Variants in AADACL2 observed in about 807,000 individuals in gnomAD.
AADACL2 encodes arylacetamide deacetylase like 2.
AADACL2 carries 23 observed loss-of-function variants against 22.3 expected under a neutral mutation model. That is an observed-to-expected ratio of 1.03 (90% CI 0.74 to 1.46). AADACL2 has a LOEUF of 1.46. Among genes scored for constraint, AADACL2 ranks in the 40% most tolerant of loss-of-function variants. AADACL2 has a pLI of 0.00. For synonymous variants in AADACL2, 177 were observed against 166.2 expected (o/e 1.07, Z -0.50); for missense variants, 472 against 482.9 (o/e 0.98, Z 0.21).
Position 151,761,109 on chromosome 3 carries a change from T to TA in AADACL2, c.*3515_*3516insA, listed in dbSNP as rs1560290198. ...TATGGTGAGATATATATATATTTTT[T>TA]TATATATGGTGAGATATATATTTAT... On this transcript the variant is annotated 3_prime_UTR_variant, in exon 5 of 5. Transcript: ENST00000356517. 1 of 146,014 alleles carries TA rather than the reference T, an allele frequency of 6.8e-6. No individual in the cohort carries two copies. Among genetic ancestry groups the TA allele is most frequent in the African/African-American group, 2.5e-5 (1 of 39,360 alleles). The allele number at this position is 146,014 out of a possible 1,614,324, so 9.0% of individuals were successfully genotyped here.
chr3:151,746,905 G>GTTT (rs11373414), intron 4 of AADACL2, among the ~76,000 whole-genome samples: 23 of 145,464 alleles, frequency 1.6e-4, no homozygotes, highest in African/African-American at 4.3e-4. Context: ...TTTTTGTCAG[G>GTTT]TTTTTTTTTT....
Position 151,757,394 on chromosome 3 carries a change from C to G in AADACL2, c.1006C>G (p.Leu336Val). ...ACAGAATTTGCCACTAACCTATATT[C>G]TTACTTGTCAACATGATCTCTTAAG... Reference protein sequence around the residue: ...QLQNLPLTYILTCQHDLLRDD... With the variant: ...QLQNLPLTYIVTCQHDLLRDD... The change falls in exon 5 of 5, where the codon CTT (leucine) becomes GTT (valine). Residue 336 changes from leucine to valine, a missense_variant. By Grantham distance (32) the Leu-to-Val change is conservative. Around this residue, in one of 3 missense-constraint regions of AADACL2, gnomAD observed 113 missense variants for 100.9 expected, o/e 1.12. Transcript: ENST00000356517. The G allele has an allele frequency of 6.2e-7, 1 of 1,613,722 alleles. No individual in the cohort carries two copies. The highest frequency in any genetic ancestry group is 2.2e-5 in the East Asian group (1 of 44,850).
Position 151,733,978 on chromosome 3 carries a change from C to T in AADACL2, c.-58C>T. The T allele has an allele frequency of 6.6e-7, 1 of 1,516,866 alleles. No homozygotes were observed. The highest frequency in any genetic ancestry group is 8.9e-7 in the Non-Finnish European group (1 of 1,127,724). The allele number at this position is 1,516,866 out of a possible 1,614,324, so 94.0% of individuals were successfully genotyped here. A position where few individuals can be genotyped will look rare whatever the true frequency, so the allele number is the denominator to read the frequency against. On this transcript the variant is annotated 5_prime_UTR_variant, in exon 1 of 5. Coordinates refer to ENST00000356517, the MANE Select transcript of AADACL2 (RefSeq NM_207365.4). The stretch of plus-strand genomic sequence containing the variant: ...TACAATTGCTCTACTAGTTACTATT[C>T]AGTGTTTGTGAAAAATTTTAATCTC...
At chr3:151,751,861 A>T (rs1172450651) in intron 4 of AADACL2, among the ~76,000 whole-genome samples, 2 of 152,208 alleles carry the variant, frequency 1.3e-5, no homozygotes, top group African/African-American at 2.4e-5. Flanking sequence ...ACAAAAGTGC[A>T]CAAAAATCTA....
chr3:151,749,421 T>C (rs1713576933), intron 4 of AADACL2, among the ~76,000 whole-genome samples: 1 of 152,192 alleles, frequency 6.6e-6, no homozygotes, highest in African/African-American at 2.4e-5. Context: ...TTACTTGTAC[T>C]AACAGATTTT....
At chr3:151,739,935 A>G (rs1292228869) in intron 1 of AADACL2, among the ~76,000 whole-genome samples, 3 of 152,194 alleles carry the variant, frequency 2.0e-5, no homozygotes, top group Non-Finnish European at 4.4e-5. Flanking sequence ...AGTGGATCTT[A>G]GCTTGCTGGG....
At chr3:151,742,440 A>T (rs1713311691) in intron 2 of AADACL2, among the ~76,000 whole-genome samples, 1 of 152,234 alleles carries the variant, frequency 6.6e-6, no homozygotes, top group Non-Finnish European at 1.5e-5. Context: ...AAACAAGCAA[A>T]CAAAAATATG....
At chr3:151,736,154 T>A (rs1713078508) in intron 1 of AADACL2, among the ~76,000 whole-genome samples, 1 of 151,812 alleles carries the variant, frequency 6.6e-6, no homozygotes, top group South Asian at 2.1e-4. Flanking sequence ...GCCTACAAAA[T>A]TTATTTTTCT....
chr3:151,747,625 T>C (rs988995319), intron 4 of AADACL2, among the ~76,000 whole-genome samples: 2 of 151,622 alleles, frequency 1.3e-5, no homozygotes, highest in Non-Finnish European at 2.9e-5. Context: ...TGTTTGTGTG[T>C]GTGTGTGTGT....
rs766676585 is a variant in AADACL2 at position 151,740,696 on chromosome 3, C to T, written c.189C>T (p.Ser63=). Residue 63 remains serine (S), a synonymous_variant, in exon 2 of 5, where the codon TCC becomes TCT. Coordinates refer to ENST00000356517, the MANE Select transcript of AADACL2 (RefSeq NM_207365.4). ...TTATGAGATATGAAGAGTTTATATCCATGATATTCAGGCTGGATTATACCC... is the reference window on the plus strand; with the variant it reads ...TTATGAGATATGAAGAGTTTATATCTATGATATTCAGGCTGGATTATACCC... ...MRIMRYEEFI[S]MIFRLDYTQP... The T allele has an allele frequency of 1.2e-6, 2 of 1,613,472 alleles. No homozygotes were observed. Among genetic ancestry groups the T allele is most frequent in the Non-Finnish European group, 1.7e-6 (2 of 1,179,778 alleles).
intron 4 of AADACL2, among the ~76,000 whole-genome samples, chr3:151,755,471 G>A (rs1713863405): frequency 6.6e-6 from 1 of 152,094 alleles, no homozygotes; most frequent in Non-Finnish European, 1.5e-5. Context: ...TATAAAATGT[G>A]TAGAAAATAT....
At position 151,740,649 on chromosome 3, in the gene AADACL2, A is replaced by C. The variant is rs1295014328; in HGVS notation, c.142A>C (p.Met48Leu). 1 of 1,599,930 alleles carries C rather than the reference A, an allele frequency of 6.3e-7. No individual in the cohort carries two copies. Among genetic ancestry groups the C allele is most frequent in the Non-Finnish European group, 8.5e-7 (1 of 1,170,178 alleles). Reference protein sequence around the residue: ...AIAKTCTFTAMCFENMRIMRY... With the variant: ...AIAKTCTFTALCFENMRIMRY... ...TTTGTTTGTTTTGTTCTTACAGGCTATGTGTTTTGAAAATATGCGTATTAT... is the reference window on the plus strand; with the variant it reads ...TTTGTTTGTTTTGTTCTTACAGGCTCTGTGTTTTGAAAATATGCGTATTAT... The change falls in exon 2 of 5, where the codon ATG becomes CTG. Residue 48 changes from methionine (M) to leucine (L), a missense_variant. Met to Leu is a conservative substitution (Grantham distance 15, BLOSUM62 2). Transcript: ENST00000356517.
At chr3:151,744,198 G>A in intron 3 of AADACL2, 36 bp downstream of exon 3, 1 of 1,607,408 alleles carries the variant, frequency 6.2e-7, no homozygotes, top group Non-Finnish European at 8.5e-7. Context: ...TATGATTTTT[G>A]CCTTTACCAT....
intron 4 of AADACL2, among the ~76,000 whole-genome samples, chr3:151,746,356 G>GT (rs1161661355): frequency 1.2e-3 from 121 of 98,754 alleles, no homozygotes; most frequent in Admixed American, 5.1e-3. Context: ...AGTGTTCTGT[G>GT]TTTTTTTTGT....
intron 1 of AADACL2, among the ~76,000 whole-genome samples, chr3:151,737,111 C>T (rs1261677158): frequency 1.3e-5 from 2 of 152,144 alleles, no homozygotes; most frequent in Non-Finnish European, 2.9e-5. Context: ...GTATAAATTT[C>T]CCTCTTAACA....
At chr3:151,736,559 G>A (rs1053092763) in intron 1 of AADACL2, among the ~76,000 whole-genome samples, 1 of 152,164 alleles carries the variant, frequency 6.6e-6, no homozygotes, top group African/African-American at 2.4e-5. Context: ...CCATTTATGA[G>A]TGAGAACATG....
At position 151,734,087 on chromosome 3, in the gene AADACL2, C is replaced by T. The variant is rs752623427; in HGVS notation, c.52C>T (p.His18Tyr). 1 of 1,613,486 alleles carries T rather than the reference C, an allele frequency of 6.2e-7. No homozygotes were observed. The highest frequency in any genetic ancestry group is 1.7e-5 in the Admixed American group (1 of 59,878). ...LGLLCVLFVS[H>Y]FYTPMPDNIE... ...GCTGCTTTGTGTTCTTTTTGTCTCT[C>T]ATTTTTACACACCCATGCCAGACAA... is the stretch of plus-strand genomic sequence containing the variant. Residue 18 changes from histidine to tyrosine, a missense_variant, in exon 1 of 5, where the codon CAT (histidine) becomes TAT (tyrosine). By Grantham distance (83) the His-to-Tyr change is moderately conservative (BLOSUM62 2). Transcript: ENST00000356517.
chr3:151,737,469 C>T (rs914770351), intron 1 of AADACL2, among the ~76,000 whole-genome samples: 4 of 152,004 alleles, frequency 2.6e-5, no homozygotes, highest in Admixed American at 1.3e-4. Context: ...CTGTAGATGA[C>T]TATTAGGTCC....
At chr3:151,750,503 C>A (rs767113474) in intron 4 of AADACL2, among the ~76,000 whole-genome samples, 1 of 151,892 alleles carries the variant, frequency 6.6e-6, no homozygotes, top group Non-Finnish European at 1.5e-5. Context: ...TTCAAGAGTG[C>A]TGGTTTTTTC....
Sources: allele counts gnomAD v4.1 joint callset (sites outside exome capture counted in the v4.1 genomes callset), GRCh38; gene constraint gnomAD v4.1.1; regional missense constraint gnomAD v4.1.1; transcripts MANE v1.5; gene names NCBI Gene and HGNC (gene_info 2026-07-23, HGNC 2026-07-21).